Variants in KAZN observed in about 807,000 individuals in gnomAD.
The protein encoded by KAZN is kazrin, periplakin interacting protein, also known as kazrin.
KAZN carries 40 observed loss-of-function variants against 87.4 expected under a neutral mutation model. The observed-to-expected ratio is 0.46, with a 90% CI of 0.36 to 0.60. The LOEUF (loss-of-function observed/expected upper bound fraction) is 0.60. Ranked by LOEUF, KAZN falls within the 20% of genes least tolerant of loss-of-function variation. The pLI is 0.00. For missense variants in KAZN, 898 were observed against 1,073.9 expected, an observed-to-expected ratio of 0.84 and a Z score of 2.29; for synonymous variants, 466 against 458.3, an observed-to-expected ratio of 1.02 and a Z score of -0.22.
intron 1 of KAZN, among the ~76,000 whole-genome samples, chr1:14,945,506 C>A (rs1418775403): frequency 6.6e-6 from 1 of 152,214 alleles, no homozygotes; most frequent in African/African-American, 2.4e-5. Context: ...CCCTAGCAGT[C>A]TCCGCACTGG....
chr1:14,091,654 T>G (rs1218120706), intron 1 of KAZN, among the ~76,000 whole-genome samples: 1 of 152,238 alleles, frequency 6.6e-6, no homozygotes, highest in Non-Finnish European at 1.5e-5. Flanking sequence ...CATAGCTATT[T>G]CTTTCTCTAT....
chr1:14,461,278 A>G (rs1009309551), intron 2 of KAZN, among the ~76,000 whole-genome samples: 1 of 152,112 alleles, frequency 6.6e-6, no homozygotes, highest in African/African-American at 2.4e-5. Flanking sequence ...TATAGCTCCC[A>G]TAATTCCCTC....
chr1:14,028,703 G>A (rs1641191992), intron 1 of KAZN, among the ~76,000 whole-genome samples: 1 of 152,130 alleles, frequency 6.6e-6, no homozygotes, highest in South Asian at 2.1e-4. Flanking sequence ...TACGTCCATT[G>A]TAAAAGCTAG....
chr1:14,805,651 G>A (rs901360800), intron 1 of KAZN, among the ~76,000 whole-genome samples: 26 of 151,948 alleles, frequency 1.7e-4, no homozygotes, highest in African/African-American at 5.5e-4. Context: ...CCAGCTACTC[G>A]GGAGGCTGAG....
intron 1 of KAZN, among the ~76,000 whole-genome samples, chr1:14,920,181 G>A (rs1272023602): frequency 6.6e-6 from 1 of 151,016 alleles, no homozygotes; most frequent in Admixed American, 6.6e-5. Context: ...AATTTATCTT[G>A]TAGTCTTCTC....
At chr1:14,835,827 C>T (rs893417694) in intron 1 of KAZN, among the ~76,000 whole-genome samples, 6 of 149,854 alleles carry the variant, frequency 4.0e-5, no homozygotes, top group African/African-American at 1.5e-4. Flanking sequence ...CCCCTGACAG[C>T]TCCCAGGAGT....
intron 2 of KAZN, among the ~76,000 whole-genome samples, chr1:14,509,705 C>T (rs1429959972): frequency 6.6e-6 from 1 of 152,082 alleles, no homozygotes; most frequent in Non-Finnish European, 1.5e-5. Context: ...AATGCTGTGT[C>T]CCCCTTTTCC....
At chr1:15,037,548 T>A (rs977807203) in intron 3 of KAZN, among the ~76,000 whole-genome samples, 6 of 152,116 alleles carry the variant, frequency 3.9e-5, no homozygotes, top group African/African-American at 1.4e-4. Flanking sequence ...TCCCGGGGCA[T>A]GGAAAGCAAG....
At chr1:14,604,137 C>T (rs147974453) in intron 1 of KAZN, among the ~76,000 whole-genome samples, 51 of 152,064 alleles carry the variant, frequency 3.4e-4, no homozygotes, top group Non-Finnish European at 6.2e-4. Context: ...TGATGTTGCA[C>T]GTGGAAATAG....
chr1:14,941,799 A>G lies in KAZN; in HGVS notation c.227-18885A>G, dbSNP rs572708832. ...TGAAATCCATGCTGTCTGTTCACCA[A>G]AGAAGGACCAGAGAGCTGCTGTCCT... is the stretch of plus-strand genomic sequence containing the variant. On this transcript the variant is annotated intron_variant, in intron 1 of 14. Coordinates refer to ENST00000376030, the MANE Select transcript of KAZN (RefSeq NM_201628.3). 3.7e-4 allele frequency among the ~76,000 whole-genome samples: 57 copies of G among 152,282 alleles called. 1 individual carries two copies. The South Asian group carries it at 5.8e-3, about 16-fold the overall frequency.
At chr1:14,274,676 G>C (rs1448617688) in intron 2 of KAZN, among the ~76,000 whole-genome samples, 1 of 152,100 alleles carries the variant, frequency 6.6e-6, no homozygotes, top group Non-Finnish European at 1.5e-5. Flanking sequence ...TCCACCCTGG[G>C]TTTGACTTCT....
intron 1 of KAZN, among the ~76,000 whole-genome samples, chr1:14,781,313 CTCTG>C (rs1645342945): frequency 6.6e-6 from 1 of 152,206 alleles, no homozygotes; most frequent in Non-Finnish European, 1.5e-5. Flanking sequence ...CAGAGAAAGA[CTCTG>C]TCTGAAGAAA....
At position 15,003,927 on chromosome 1, in the gene KAZN, G is replaced by T. The variant is rs34508253; in HGVS notation, c.419-30822G>T. On this transcript the variant is annotated intron_variant, in intron 2 of 14. Transcript: ENST00000376030. Reference sequence around the variant, plus strand: ...ACACACCTGTTCAGCTCCAGGGGCTGCAGGCTGCATAGGTCCTGGCCTCTG... The same window carrying T: ...ACACACCTGTTCAGCTCCAGGGGCTTCAGGCTGCATAGGTCCTGGCCTCTG... Among the ~76,000 whole-genome samples the T allele has an allele frequency of 1.0e-2, 1,516 of 152,298 alleles. 32 individuals are homozygous for T. The highest frequency in any genetic ancestry group is 0.035 in the African/African-American group (1,437 of 41,570).
intron 1 of KAZN, among the ~76,000 whole-genome samples, chr1:14,651,946 C>T (rs1223312763): frequency 6.6e-6 from 1 of 152,158 alleles, no homozygotes; most frequent in Non-Finnish European, 1.5e-5. Context: ...GGAAATAGTC[C>T]CTGTAAGGGG....
chr1:14,740,012 G>A (rs1285586481), intron 1 of KAZN, among the ~76,000 whole-genome samples: 3 of 152,164 alleles, frequency 2.0e-5, no homozygotes, highest in East Asian at 1.9e-4. Flanking sequence ...GGGGAAAGAA[G>A]GAGTCCTTTC....
chr1:14,787,170 A>G (rs941734866), intron 1 of KAZN, among the ~76,000 whole-genome samples: 1 of 152,202 alleles, frequency 6.6e-6, no homozygotes, highest in African/African-American at 2.4e-5. Context: ...GTGACCTTGG[A>G]TGTATTAATT....
chr1:14,092,880 A>G (rs1303392073), intron 1 of KAZN, among the ~76,000 whole-genome samples: 1 of 152,196 alleles, frequency 6.6e-6, no homozygotes, highest in Non-Finnish European at 1.5e-5. Context: ...TAAAGATGCA[A>G]TTTATGAAAT....
intron 2 of KAZN, among the ~76,000 whole-genome samples, chr1:14,226,943 G>T (rs1440839357): frequency 1.3e-5 from 2 of 152,132 alleles, no homozygotes; most frequent in Non-Finnish European, 2.9e-5. Context: ...CTACAGGTTG[G>T]GTACTACGCT....
intron 2 of KAZN, among the ~76,000 whole-genome samples, chr1:14,347,682 T>C (rs1306836892): frequency 6.6e-6 from 1 of 152,090 alleles, no homozygotes; most frequent in Non-Finnish European, 1.5e-5. Context: ...ATATATATTA[T>C]ACATTATATA....
Sources: allele counts gnomAD v4.1 joint callset (sites outside exome capture counted in the v4.1 genomes callset), GRCh38; gene constraint gnomAD v4.1.1; transcripts MANE v1.5; gene names NCBI Gene and HGNC (gene_info 2026-07-23, HGNC 2026-07-21).